ZFHX4: variants seen among roughly 807,000 people sequenced by gnomAD.
ZFHX4 encodes zinc finger homeobox protein 4.
Under a neutral mutation model 267.6 loss-of-function variants are expected in ZFHX4, and 56 were observed. The ratio of observed to expected loss-of-function variants is 0.21; its 90% CI spans 0.17 to 0.26. ZFHX4 has a LOEUF of 0.26. ZFHX4 is among the 10% of genes least tolerant of loss of function. The probability of loss-of-function intolerance (pLI) is 1.00; values close to 1 mark genes in which losing one functional copy is unlikely to be tolerated. For synonymous variants in ZFHX4, 1,778 were observed against 1,665.6 expected, an observed-to-expected ratio of 1.07 and a Z score of -1.64; for missense variants, 4,332 against 4,420.0, an observed-to-expected ratio of 0.98 and a Z score of 0.56.
At chr8:76,690,703 A>T (rs1807800953) in intron 1 of ZFHX4, among the ~76,000 whole-genome samples, 1 of 151,800 alleles carries the variant, frequency 6.6e-6, no homozygotes, top group South Asian at 2.1e-4. Context: ...CTACATTCCT[A>T]TTCAGTAGAG....
intron 3 of ZFHX4, among the ~76,000 whole-genome samples, chr8:76,729,665 T>A (rs910544723): frequency 1.3e-5 from 2 of 152,156 alleles, no homozygotes; most frequent in Non-Finnish European, 2.9e-5. Flanking sequence ...TAATTTTACA[T>A]ATGCTGGTGT....
chr8:76,796,327 A>G (rs1303667560), intron 4 of ZFHX4, among the ~76,000 whole-genome samples: 1 of 152,194 alleles, frequency 6.6e-6, no homozygotes, highest in Non-Finnish European at 1.5e-5. Context: ...ATTTCTATAG[A>G]ATATGTAGAG....
At chr8:76,688,841 T>C (rs1236450388) in intron 1 of ZFHX4, among the ~76,000 whole-genome samples, 1 of 152,172 alleles carries the variant, frequency 6.6e-6, no homozygotes, top group Non-Finnish European at 1.5e-5. Flanking sequence ...TCATCAGATA[T>C]TAACCCAACT....
chr8:76,704,184 A>G lies in ZFHX4; in HGVS notation c.96A>G (p.Pro32=). The G allele has an allele frequency of 6.2e-7, 1 of 1,614,026 alleles. No homozygotes were observed. Among genetic ancestry groups the G allele is most frequent in the South Asian group, 1.1e-5 (1 of 91,080 alleles). ...CGTTQLDNEV[P]EKVAGMEPDR... ...CGACACAACTTGATAATGAGGTGCCAGAGAAAGTTGCAGGGATGGAGCCTG... is the reference window on the plus strand; with the variant it reads ...CGACACAACTTGATAATGAGGTGCCGGAGAAAGTTGCAGGGATGGAGCCTG... Residue 32 remains proline, a synonymous_variant, in exon 2 of 11, where the codon CCA becomes CCG. Transcript: ENST00000651372.
At chr8:76,689,822 G>A (rs913014743) in intron 1 of ZFHX4, among the ~76,000 whole-genome samples, 3 of 152,110 alleles carry the variant, frequency 2.0e-5, no homozygotes, top group Admixed American at 6.5e-5. Context: ...TTATGCACTG[G>A]ACTTAAAAAT....
In ZFHX4 at chr8:76,707,926, A is replaced by G. The variant is rs543232741; in HGVS notation, c.2971A>G (p.Ile991Val). 1.9e-6 allele frequency: 3 copies of G among 1,614,076 alleles called. No individual in the cohort carries two copies. In the African/African-American group the frequency reaches 4.0e-5, roughly 22 times the overall value. ...AAGCAATGAGTGGAGGTTGAAGTGT[A>G]TTGCCATTGGCAACCCTGTTCACCT... ...GKSNEWRLKCIAIGNPVHLKC... is the reference protein window; with the variant it reads ...GKSNEWRLKCVAIGNPVHLKC... Residue 991 changes from isoleucine to valine, a missense_variant, in exon 3 of 11, where the codon ATT (isoleucine) becomes GTT (valine). Ile to Val is a conservative substitution (Grantham distance 29). This residue lies in a region of ZFHX4 where 1,371 missense variants were observed against 1,423.1 expected (regional missense o/e 0.96). Coordinates refer to ENST00000651372, the MANE Select transcript of ZFHX4 (RefSeq NM_024721.5).
chr8:76,818,852 G>A (rs1811571739), intron 4 of ZFHX4, among the ~76,000 whole-genome samples: 1 of 152,070 alleles, frequency 6.6e-6, no homozygotes, highest in Non-Finnish European at 1.5e-5. Context: ...AAGATGTTGA[G>A]GCTACAGTGA....
chr8:76,853,960 A>G lies in ZFHX4; in HGVS notation c.7039A>G (p.Ser2347Gly), dbSNP rs1812624458. The part of the protein sequence containing the change: ...KDEDDDAQDE[S>G]QTEDSMDATD... ...TGAAGATGATGATGCCCAAGATGAA[A>G]GCCAAACAGAAGACTCCATGGATGC... The change falls in exon 10 of 11, where the codon AGC becomes GGC. Residue 2347 changes from serine to glycine, a missense_variant. Coordinates refer to ENST00000651372, the MANE Select transcript of ZFHX4 (RefSeq NM_024721.5). 6.2e-7 allele frequency: 1 copy of G among 1,613,864 alleles called. No homozygotes were observed. The highest frequency in any genetic ancestry group is 8.5e-7 in the Non-Finnish European group (1 of 1,179,856).
At chr8:76,754,571 A>G (rs1196939074) in intron 3 of ZFHX4, among the ~76,000 whole-genome samples, 2 of 152,130 alleles carry the variant, frequency 1.3e-5, no homozygotes, top group Non-Finnish European at 2.9e-5. Context: ...ACTTTAGTTT[A>G]TAGATAATAA....
At chr8:76,695,180 G>A (rs1378716178) in intron 1 of ZFHX4, among the ~76,000 whole-genome samples, 1 of 152,210 alleles carries the variant, frequency 6.6e-6, no homozygotes, top group East Asian at 1.9e-4. Context: ...CCAGGCTACA[G>A]GCCAGAAACT....
chr8:76,858,581 C>T (rs756279878), intron 10 of ZFHX4, among the ~76,000 whole-genome samples: 5 of 152,156 alleles, frequency 3.3e-5, no homozygotes, highest in Non-Finnish European at 7.4e-5. Flanking sequence ...CGCCTGAGTT[C>T]CTGCACTTTC....
chr8:76,731,461 A>G (rs950276566), intron 3 of ZFHX4, among the ~76,000 whole-genome samples: 3 of 152,166 alleles, frequency 2.0e-5, no homozygotes, highest in Non-Finnish European at 4.4e-5. Flanking sequence ...GTTGAGAGTC[A>G]GTATAATTGA....
At chr8:76,804,844 T>A (rs1302217117) in intron 4 of ZFHX4, among the ~76,000 whole-genome samples, 1 of 152,122 alleles carries the variant, frequency 6.6e-6, no homozygotes, top group Non-Finnish European at 1.5e-5. Flanking sequence ...CAAAGTGAAC[T>A]GTTGCTGTGT....
chr8:76,843,801 G>A (rs1241004269), intron 6 of ZFHX4, among the ~76,000 whole-genome samples: 1 of 152,090 alleles, frequency 6.6e-6, no homozygotes, highest in Non-Finnish European at 1.5e-5. Flanking sequence ...TTACATGCAA[G>A]TTTATTTAAA....
At chr8:76,806,905 C>G (rs969550335) in intron 4 of ZFHX4, among the ~76,000 whole-genome samples, 1 of 151,888 alleles carries the variant, frequency 6.6e-6, no homozygotes, top group African/African-American at 2.4e-5. Flanking sequence ...TGGGATTCAC[C>G]TTGGGACTGA....
chr8:76,737,312 A>G (rs1809190211), intron 3 of ZFHX4, among the ~76,000 whole-genome samples: 1 of 152,200 alleles, frequency 6.6e-6, no homozygotes, highest in African/African-American at 2.4e-5. Context: ...GAGGGCATTT[A>G]AAAAGCTTGT....
At position 76,852,169 on chromosome 8, in the gene ZFHX4, T is replaced by G. The variant is rs749418494; in HGVS notation, c.5248T>G (p.Leu1750Val). 5.0e-6 allele frequency: 8 copies of G among 1,613,958 alleles called. No individual in the cohort carries two copies. Among genetic ancestry groups the G allele is most frequent in the Non-Finnish European group, 6.8e-6 (8 of 1,179,874 alleles). Residue 1750 changes from leucine (L) to valine (V), a missense_variant, in exon 10 of 11, where the codon TTG becomes GTG. Physicochemically the swap from Leu to Val is conservative, Grantham distance 32. Coordinates refer to ENST00000651372, the MANE Select transcript of ZFHX4 (RefSeq NM_024721.5). ...PFYIPGTEFS[L>V]GPDLGLPGSA... ...TTATATACCTGGGACGGAGTTCAGC[T>G]TGGGGCCAGATTTGGGCTTGCCAGG...
chr8:76,844,139 A>G (rs1421757876), intron 6 of ZFHX4, among the ~76,000 whole-genome samples: 1 of 152,162 alleles, frequency 6.6e-6, no homozygotes, highest in African/African-American at 2.4e-5. Context: ...GTTAATATGA[A>G]AGACAGTACC....
At chr8:76,726,265 A>G (rs1465847329) in intron 3 of ZFHX4, among the ~76,000 whole-genome samples, 1 of 152,146 alleles carries the variant, frequency 6.6e-6, no homozygotes, top group African/African-American at 2.4e-5. Flanking sequence ...GCAGACTGCA[A>G]GTTCTTCCCA....
Sources: allele counts gnomAD v4.1 joint callset (sites outside exome capture counted in the v4.1 genomes callset), GRCh38; gene constraint gnomAD v4.1.1; regional missense constraint gnomAD v4.1.1; transcripts MANE v1.5; gene names NCBI Gene and HGNC (gene_info 2026-07-23, HGNC 2026-07-21).